Variants in UVRAG observed in about 807,000 individuals in gnomAD.
UVRAG encodes UV radiation resistance associated.
UVRAG carries 19 observed loss-of-function variants against 78.0 expected under a neutral mutation model. The observed-to-expected ratio is 0.24, with a 90% CI of 0.17 to 0.36. The LOEUF is 0.36. Ranked by LOEUF, UVRAG falls within the 10% of genes least tolerant of loss-of-function variation. UVRAG has a pLI of 1.00. For missense variants in UVRAG, 740 were observed against 853.8 expected (o/e 0.87, Z 1.66); for synonymous variants, 323 against 324.6 (o/e 1.00, Z 0.05).
chr11:75,851,602 G>A (rs1946153666), intron 1 of UVRAG, among the ~76,000 whole-genome samples: 1 of 152,184 alleles, frequency 6.6e-6, no homozygotes, highest in Non-Finnish European at 1.5e-5. Flanking sequence ...ATGCTATTAT[G>A]CGGGTATATA....
At chr11:75,988,826 T>C (rs1179039526) in intron 8 of UVRAG, among the ~76,000 whole-genome samples, 1 of 152,196 alleles carries the variant, frequency 6.6e-6, no homozygotes, top group Non-Finnish European at 1.5e-5. Flanking sequence ...TGGCTGAGCA[T>C]CTTTTCTTGT....
At chr11:76,114,382 A>G (rs1952136749) in intron 13 of UVRAG, among the ~76,000 whole-genome samples, 1 of 152,186 alleles carries the variant, frequency 6.6e-6, no homozygotes, top group Non-Finnish European at 1.5e-5. Flanking sequence ...TATTGTTACC[A>G]GTTTTCGTCT....
At chr11:76,103,732 A>G (rs1951922685) in intron 13 of UVRAG, among the ~76,000 whole-genome samples, 1 of 152,128 alleles carries the variant, frequency 6.6e-6, no homozygotes, top group African/African-American at 2.4e-5. Context: ...AGAAAAGAGC[A>G]TTCTGGAAAA....
At chr11:75,938,065 A>G (rs761106391) in intron 6 of UVRAG, among the ~76,000 whole-genome samples, 3 of 150,940 alleles carry the variant, frequency 2.0e-5, no homozygotes, top group Admixed American at 6.6e-5. Flanking sequence ...ATGTGTGTGT[A>G]TATATATGTA....
chr11:76,081,449 GC>G (rs1475259611), intron 13 of UVRAG, among the ~76,000 whole-genome samples: 4 of 152,028 alleles, frequency 2.6e-5, no homozygotes, highest in Non-Finnish European at 5.9e-5. Context: ...CCAATGATCT[GC>G]CCGCCTCTGC....
rs143405784 is a variant in UVRAG, at chr11:75,951,396, T to G, written c.594-10048T>G. Among the ~76,000 whole-genome samples the G allele has an allele frequency of 3.0e-3, 452 of 151,370 alleles. 8 individuals are homozygous for G. In the East Asian group the frequency reaches 0.032, roughly 11 times the overall value. Reference sequence around the variant, plus strand: ...TGTTTGTTTGTTTGTTTGTTTGTTTTTTTGAGATGGAGTTTCGCTCTTGTT... The same window carrying G: ...TGTTTGTTTGTTTGTTTGTTTGTTTGTTTGAGATGGAGTTTCGCTCTTGTT... On this transcript the variant is annotated intron_variant, in intron 6 of 14. Transcript: ENST00000356136.
At chr11:75,953,713 G>A (rs745487463) in intron 6 of UVRAG, among the ~76,000 whole-genome samples, 14 of 151,476 alleles carry the variant, frequency 9.2e-5, no homozygotes, top group East Asian at 1.9e-4. Flanking sequence ...GTATCTTTAC[G>A]TTCACAGAAA....
At chr11:75,859,349 C>T (rs1946367798) in intron 2 of UVRAG, among the ~76,000 whole-genome samples, 1 of 150,722 alleles carries the variant, frequency 6.6e-6, no homozygotes, top group African/African-American at 2.4e-5. Flanking sequence ...GCACTCCAGC[C>T]TGGGTGACAG....
intron 14 of UVRAG, among the ~76,000 whole-genome samples, chr11:76,138,373 C>T (rs1394204674): frequency 6.6e-6 from 1 of 152,194 alleles, no homozygotes; most frequent in Non-Finnish European, 1.5e-5. Context: ...AGCTCATCTT[C>T]CACGGGGCTC....
At position 76,045,641 on chromosome 11, in the gene UVRAG, A is replaced by T. The variant is rs190479798; in HGVS notation, c.1227-20069A>T. Among the ~76,000 whole-genome samples the T allele has an allele frequency of 2.6e-3, 393 of 152,136 alleles. 6 individuals are homozygous for T. Among genetic ancestry groups the T allele is most frequent in the Middle Eastern group, 6.8e-3 (2 of 294 alleles). ...AGAAAAGATGAAGCGTGGCAAATTA[A>T]AATGAAGGAAGTGTTTTAAAAATTC... On this transcript the variant is annotated intron_variant, in intron 12 of 14. Transcript: ENST00000356136.
chr11:75,861,895 T>G, intron 3 of UVRAG, 115 bp downstream of exon 3: 2 of 816,044 alleles, frequency 2.5e-6, no homozygotes, highest in Non-Finnish European at 4.0e-6. Flanking sequence ...CTTTAACGGA[T>G]CTGCTCAATT....
At chr11:75,848,176 GA>G (rs1653713290) in intron 1 of UVRAG, among the ~76,000 whole-genome samples, 1 of 150,750 alleles carries the variant, frequency 6.6e-6, no homozygotes, top group Non-Finnish European at 1.5e-5. Context: ...CAGCCTGGGG[GA>G]CAGAGAGAGA....
intron 4 of UVRAG, 42 bp from the exon 5 acceptor site, chr11:75,888,787 C>A: frequency 3.3e-6 from 5 of 1,522,762 alleles, no homozygotes; most frequent in African/African-American, 1.4e-5. Context: ...AAAACATGAT[C>A]GGAATAAAAA....
intron 6 of UVRAG, among the ~76,000 whole-genome samples, chr11:75,958,845 T>A (rs763532820): frequency 6.6e-6 from 1 of 152,250 alleles, no homozygotes; most frequent in Non-Finnish European, 1.5e-5. Flanking sequence ...TTGAAATGCC[T>A]CCTTCATCCA....
Position 76,140,798 on chromosome 11 carries a change from G to T in UVRAG, c.1485G>T (p.Gly495=). 5 of 1,614,036 alleles carry T rather than the reference G, an allele frequency of 3.1e-6. No individual in the cohort carries two copies. The highest frequency in any genetic ancestry group is 4.2e-6 in the Non-Finnish European group (5 of 1,180,008). ...GTGCAGATGTAGGCTTCTCTGGGGG[G>T]ATCCCTTCACCAGACAAAGGACATC... ...FGGADVGFSG[G]IPSPDKGHRK... The change falls in exon 15 of 15, where the codon GGG becomes GGT. Residue 495 remains glycine (G), a synonymous_variant. Coordinates refer to ENST00000356136, the MANE Select transcript of UVRAG (RefSeq NM_003369.4).
intron 13 of UVRAG, among the ~76,000 whole-genome samples, chr11:76,077,062 C>T (rs1161878692): frequency 6.7e-6 from 1 of 149,194 alleles, no homozygotes; most frequent in Non-Finnish European, 1.5e-5. Context: ...ATGAATGAGT[C>T]AGTCAGAGAT....
chr11:76,072,918 G>A (rs563065272), intron 13 of UVRAG, among the ~76,000 whole-genome samples: 4 of 152,134 alleles, frequency 2.6e-5, no homozygotes, highest in East Asian at 3.9e-4. Context: ...CTGGGAGGGC[G>A]GAATTATTTT....
At chr11:76,106,113 T>C (rs896256288) in intron 13 of UVRAG, among the ~76,000 whole-genome samples, 12 of 152,150 alleles carry the variant, frequency 7.9e-5, no homozygotes, top group Non-Finnish European at 8.8e-5. Flanking sequence ...AACTGGCATA[T>C]AGATAAATCA....
At chr11:75,893,826 GAA>G (rs1031289836) in intron 5 of UVRAG, among the ~76,000 whole-genome samples, 3 of 135,722 alleles carry the variant, frequency 2.2e-5, no homozygotes, top group South Asian at 2.5e-4. Flanking sequence ...CTATGTGACA[GAA>G]AAAAAAAAAA....
Sources: allele counts gnomAD v4.1 joint callset (sites outside exome capture counted in the v4.1 genomes callset), GRCh38; gene constraint gnomAD v4.1.1; transcripts MANE v1.5; gene names NCBI Gene and HGNC (gene_info 2026-07-23, HGNC 2026-07-21).